The following EXOC2 variants were observed in gnomAD, a reference collection of about 807,000 sequenced individuals.
The protein encoded by EXOC2 is SEC5-like 1.
A neutral mutation model predicts 131.8 loss-of-function variants in EXOC2; 70 were observed. The ratio of observed to expected loss-of-function variants is 0.53; its 90% CI spans 0.44 to 0.65. The LOEUF (loss-of-function observed/expected upper bound fraction) is 0.65. EXOC2 is among the 30% of genes least tolerant of loss of function. The pLI, the probability that EXOC2 is intolerant of heterozygous loss-of-function variation, is 0.00. For synonymous variants in EXOC2, 411 were observed against 398.4 expected (o/e 1.03, Z -0.38); for missense variants, 923 against 1,108.6 (o/e 0.83, Z 2.38).
intron 23 of EXOC2, among the ~76,000 whole-genome samples, chr6:520,645 G>A (rs2473495): frequency 0.35 from 1,486 of 4,238 alleles, 526 homozygotes; most frequent in Middle Eastern, 1. Context: ...GCCGACACTC[G>A]CCGTCCACAC....
chr6:659,886 C>T (rs1763334691), intron 1 of EXOC2, among the ~76,000 whole-genome samples: 1 of 151,972 alleles, frequency 6.6e-6, no homozygotes, highest in Admixed American at 6.6e-5. Context: ...GGACGCAAAT[C>T]TGGTGTGCAG....
chr6:591,118 T>C (rs1260548767), intron 11 of EXOC2, among the ~76,000 whole-genome samples: 4 of 152,198 alleles, frequency 2.6e-5, no homozygotes. Context: ...ATGCTCTTCT[T>C]CACATTCCCA....
intron 11 of EXOC2, among the ~76,000 whole-genome samples, chr6:584,768 C>T (rs1007000012): frequency 1.3e-5 from 2 of 152,300 alleles, no homozygotes. Context: ...CCTACTGAAC[C>T]CTAATTCTAA....
intron 1 of EXOC2, among the ~76,000 whole-genome samples, chr6:649,873 T>C (rs1475342111): frequency 6.6e-6 from 1 of 152,216 alleles, no homozygotes; most frequent in Non-Finnish European, 1.5e-5. Context: ...CAGTGAAACA[T>C]AAAAGGCATA....
Position 580,182 on chromosome 6 carries a change from C to T in EXOC2, c.1193-3300G>A, listed in dbSNP as rs139750613. On this transcript the variant is annotated intron_variant, in intron 11 of 27. Coordinates refer to ENST00000230449, the MANE Select transcript of EXOC2 (RefSeq NM_018303.6). ...TCAGCCTCTCAAGTAGCTGAGACTA[C>T]AGGCATGCACCACCATGCCCAGCTA... Among the ~76,000 whole-genome samples the T allele has an allele frequency of 1.4e-3, 211 of 152,226 alleles. 1 individual carries two copies. Among genetic ancestry groups the T allele is most frequent in the African/African-American group, 4.8e-3 (199 of 41,548 alleles).
intron 1 of EXOC2, among the ~76,000 whole-genome samples, chr6:678,502 G>A (rs1764255902): frequency 6.6e-6 from 1 of 152,262 alleles, no homozygotes; most frequent in Non-Finnish European, 1.5e-5. Context: ...ACACGCCAGA[G>A]ACTGGGTGAG....
chr6:546,620 C>T lies in EXOC2; in HGVS notation c.2238+2555G>A, dbSNP rs1226548816. On this transcript the variant is annotated intron_variant, in intron 22 of 27. Coordinates refer to ENST00000230449, the MANE Select transcript of EXOC2 (RefSeq NM_018303.6). ...TCCTCTTGCTCTTCCTCAGCCTAGTCCACATGAAGATGAGGAGGATGAAGA... is the reference window on the plus strand; with the variant it reads ...TCCTCTTGCTCTTCCTCAGCCTAGTTCACATGAAGATGAGGAGGATGAAGA... 3.3e-5 allele frequency among the ~76,000 whole-genome samples: 5 copies of T among 152,266 alleles called. No individual in the cohort carries two copies. In the East Asian group the frequency reaches 9.6e-4, roughly 29 times the overall value.
At chr6:565,025 T>C in intron 13 of EXOC2, 96 bp from the exon 14 acceptor site, 1 of 900,636 alleles carries the variant, frequency 1.1e-6, no homozygotes, top group Non-Finnish European at 1.6e-6. Context: ...TTAAATATGG[T>C]TATAACTTGA....
chr6:661,147 T>C (rs1763408780), intron 1 of EXOC2, among the ~76,000 whole-genome samples: 1 of 151,924 alleles, frequency 6.6e-6, no homozygotes, highest in Non-Finnish European at 1.5e-5. Flanking sequence ...GAGTCTGGGG[T>C]TATGTTAAAT....
intron 11 of EXOC2, 125 bp from the exon 12 acceptor site, chr6:577,007 T>C: frequency 2.7e-6 from 2 of 753,674 alleles, no homozygotes; most frequent in Non-Finnish European, 4.0e-6. Flanking sequence ...AAATAAGGCA[T>C]TTATTAAATA....
chr6:509,147 A>G (rs1396040115), intron 23 of EXOC2, among the ~76,000 whole-genome samples: 1 of 152,216 alleles, frequency 6.6e-6, no homozygotes. Context: ...ATACGTATCT[A>G]CCTTATAATT....
At chr6:540,159 T>G (rs965593909) in intron 22 of EXOC2, among the ~76,000 whole-genome samples, 1 of 152,202 alleles carries the variant, frequency 6.6e-6, no homozygotes, top group Non-Finnish European at 1.5e-5. Flanking sequence ...TTCACCATGT[T>G]GGCCAGGCTC....
chr6:560,193 G>A (rs1048440493), intron 17 of EXOC2, among the ~76,000 whole-genome samples: 4 of 152,236 alleles, frequency 2.6e-5, no homozygotes, highest in African/African-American at 9.6e-5. Context: ...TTTACCAGGT[G>A]CTTCGGTCCA....
At chr6:639,185 G>A (rs1039590492) in intron 1 of EXOC2, among the ~76,000 whole-genome samples, 1 of 152,222 alleles carries the variant, frequency 6.6e-6, no homozygotes, top group Non-Finnish European at 1.5e-5. Context: ...CAGCAGAGGT[G>A]TGGGAAACTT....
intron 1 of EXOC2, chr6:669,401 G>C (rs1225114888): frequency 6.6e-6 from 1 of 152,506 alleles, no homozygotes; most frequent in Non-Finnish European, 1.5e-5. Flanking sequence ...CACACCCTAG[G>C]AACAGTTGAT....
intron 27 of EXOC2, among the ~76,000 whole-genome samples, chr6:488,550 A>G (rs949317008): frequency 2.6e-5 from 4 of 152,154 alleles, no homozygotes; most frequent in Non-Finnish European, 4.4e-5. Flanking sequence ...TATTTTATAG[A>G]ACACAAAATA....
In EXOC2 at chr6:549,218, T is replaced by C. The variant is rs1317725043; in HGVS notation, c.2195A>G (p.His732Arg). ...TCCCTGGAAGTTGTGCTTTTCAAAA[T>C]GTTCTGCGATATTTAGGAAGGTGTG... ...ERHTFLNIAE[H>R]FEKHNFQGIE... is the part of the protein sequence containing the mutation. Residue 732 changes from histidine to arginine, a missense_variant, in exon 22 of 28, where the codon CAT (histidine) becomes CGT (arginine). His to Arg is a conservative substitution (Grantham distance 29). Transcript: ENST00000230449. The C allele has an allele frequency of 2.5e-6, 4 of 1,614,206 alleles. No homozygotes were observed. Among genetic ancestry groups the C allele is most frequent in the South Asian group, 1.1e-5 (1 of 91,078 alleles).
intron 11 of EXOC2, among the ~76,000 whole-genome samples, chr6:590,326 G>C (rs771763080): frequency 6.6e-6 from 1 of 152,146 alleles, no homozygotes; most frequent in Non-Finnish European, 1.5e-5. Context: ...ACATTAATGG[G>C]GATGTTGACA....
intron 11 of EXOC2, among the ~76,000 whole-genome samples, chr6:585,604 T>G (rs919923490): frequency 6.6e-6 from 1 of 152,208 alleles, no homozygotes; most frequent in Non-Finnish European, 1.5e-5. Context: ...CCATCTTTGC[T>G]CATAACATTT....
Sources: allele counts gnomAD v4.1 joint callset (sites outside exome capture counted in the v4.1 genomes callset), GRCh38; gene constraint gnomAD v4.1.1; transcripts MANE v1.5; gene names NCBI Gene and HGNC (gene_info 2026-07-23, HGNC 2026-07-21).